ABCC4: variants seen among roughly 807,000 people sequenced by gnomAD.
ABCC4 encodes the protein ATP-binding cassette sub-family C member 4.
ABCC4 carries 102 observed loss-of-function variants against 168.5 expected under a neutral mutation model. The observed-to-expected ratio is 0.61, with a 90% CI of 0.52 to 0.71. The LOEUF is 0.71. ABCC4 is among the 30% of genes least tolerant of loss of function. The probability of loss-of-function intolerance (pLI) is 0.00; values close to 1 mark genes in which losing one functional copy is unlikely to be tolerated. For synonymous variants in ABCC4, 617 were observed against 590.7 expected (o/e 1.04, Z -0.65); for missense variants, 1,402 against 1,605.8 (o/e 0.87, Z 2.17).
At chr13:95,250,179 T>C (rs1157961071) in intron 1 of ABCC4, among the ~76,000 whole-genome samples, 1 of 152,210 alleles carries the variant, frequency 6.6e-6, no homozygotes, top group Non-Finnish European at 1.5e-5. Context: ...GGCTCCTTAA[T>C]ACCAATGTGT....
At chr13:95,038,652 G>C (rs34820355) in intron 29 of ABCC4, among the ~76,000 whole-genome samples, 14,711 of 152,224 alleles carry the variant, frequency 0.097, 947 homozygotes, top group Admixed American at 0.17. Flanking sequence ...CAAGGGCAGG[G>C]TTATGTGCTT....
At chr13:95,247,918 G>GCACACA (rs34133084) in intron 1 of ABCC4, among the ~76,000 whole-genome samples, 165 bp from the exon 2 acceptor site, 13 of 142,648 alleles carry the variant, frequency 9.1e-5, no homozygotes, top group East Asian at 4.0e-4. Flanking sequence ...GTTAACATGT[G>GCACACA]CACACACACA....
chr13:95,265,394 A>C (rs769145505), intron 1 of ABCC4, among the ~76,000 whole-genome samples: 4 of 151,804 alleles, frequency 2.6e-5, no homozygotes, highest in Non-Finnish European at 4.4e-5. Context: ...AATGATTAAA[A>C]CTCTAGAGTA....
intron 20 of ABCC4, among the ~76,000 whole-genome samples, chr13:95,093,067 A>G (rs2034486181): frequency 6.6e-6 from 1 of 152,194 alleles, no homozygotes; most frequent in South Asian, 2.1e-4. Flanking sequence ...ACCAACAAAA[A>G]AAAGTCCAAG....
chr13:95,194,957 C>T lies in ABCC4; in HGVS notation c.1162-20G>A, dbSNP rs2038371195. Reference sequence around the variant, plus strand: ...AAAGGTCTAAAGAAAATGGGAAAAACACAGATTGTTTAAATTACAGAAACA... The same window carrying T: ...AAAGGTCTAAAGAAAATGGGAAAAATACAGATTGTTTAAATTACAGAAACA... On this transcript the variant is annotated intron_variant, in intron 8 of 30. Coordinates refer to ENST00000645237, the MANE Select transcript of ABCC4 (RefSeq NM_005845.5). The T allele has an allele frequency of 1.3e-6, 2 of 1,596,986 alleles. No individual in the cohort carries two copies. The highest frequency in any genetic ancestry group is 1.1e-5 in the South Asian group (1 of 88,840).
intron 21 of ABCC4, among the ~76,000 whole-genome samples, chr13:95,081,460 G>C (rs1594064876): frequency 6.6e-6 from 1 of 152,242 alleles, no homozygotes; most frequent in East Asian, 1.9e-4. Flanking sequence ...CACAACACTG[G>C]CTAGGGCCAG....
chr13:95,112,107 CTTTGGGAGGCCGAGGTGGGTGGA>C (rs2035223511), intron 20 of ABCC4, among the ~76,000 whole-genome samples: 1 of 152,156 alleles, frequency 6.6e-6, no homozygotes, highest in Non-Finnish European at 1.5e-5. Context: ...AATCCCACCA[CTTTGGGAGGCCGAGGTGGGTGGA>C]TCACCTGAGG....
In ABCC4 at chr13:95,256,092, G is replaced by A. The variant is rs188250665; in HGVS notation, c.75-8339C>T. Among the ~76,000 whole-genome samples the A allele has an allele frequency of 4.4e-4, 66 of 148,792 alleles. 1 individual carries two copies. The highest frequency in any genetic ancestry group is 1.7e-3 in the African/African-American group (65 of 38,248). On this transcript the variant is annotated intron_variant, in intron 1 of 30. Coordinates refer to ENST00000645237, the MANE Select transcript of ABCC4 (RefSeq NM_005845.5). ...AACAGAATAAAATGAAGAAATGTGA[G>A]TAAGATTTTTTTTTAAGAGACAGGT...
intron 20 of ABCC4, among the ~76,000 whole-genome samples, chr13:95,111,004 A>G (rs956286656): frequency 1.3e-5 from 2 of 149,362 alleles, no homozygotes; most frequent in Non-Finnish European, 3.0e-5. Context: ...AAAAAAAACC[A>G]CAGAAAAAAA....
intron 3 of ABCC4, 58 bp downstream of exon 3, chr13:95,246,917 C>T (rs2040120123): frequency 3.2e-6 from 5 of 1,571,652 alleles, no homozygotes; most frequent in Non-Finnish European, 2.6e-6. Flanking sequence ...CAGTCAATGG[C>T]GAGCACATTT....
chr13:95,170,557 G>A lies in ABCC4; in HGVS notation c.1799C>T (p.Ala600Val). Residue 600 changes from alanine to valine, a missense_variant, in exon 14 of 31, where the codon GCA becomes GTA. Coordinates refer to ENST00000645237, the MANE Select transcript of ABCC4 (RefSeq NM_005845.5). ...ATCTTTCAATATCAGAATCTGACTT[G>A]CAGCTTTGAGGTACTGCAACTGATG... ...VTHQLQYLKA[A>V]SQILILKDGK... The A allele has an allele frequency of 6.2e-7, 1 of 1,611,400 alleles. No individual in the cohort carries two copies. Among genetic ancestry groups the A allele is most frequent in the Non-Finnish European group, 8.5e-7 (1 of 1,179,252 alleles).
At chr13:95,217,563 C>T (rs1401783086) in intron 4 of ABCC4, among the ~76,000 whole-genome samples, 1 of 152,006 alleles carries the variant, frequency 6.6e-6, no homozygotes, top group African/African-American at 2.4e-5. Context: ...GAAACCCCGT[C>T]TCTACTAAAA....
At chr13:95,256,353 C>A (rs2040391348) in intron 1 of ABCC4, among the ~76,000 whole-genome samples, 1 of 152,196 alleles carries the variant, frequency 6.6e-6, no homozygotes, top group Non-Finnish European at 1.5e-5. Context: ...GCCAGAGATG[C>A]CATACTATAT....
chr13:95,254,807 C>CT (rs60115298), intron 1 of ABCC4, among the ~76,000 whole-genome samples: 140,869 of 152,124 alleles, frequency 0.93, 65,430 homozygotes, highest in East Asian at 1. Flanking sequence ...TTATATTTCA[C>CT]TTTTTTGAAA....
chr13:95,085,015 G>A (rs184042374), intron 20 of ABCC4, among the ~76,000 whole-genome samples: 79 of 152,318 alleles, frequency 5.2e-4, no homozygotes, highest in African/African-American at 1.8e-3. Flanking sequence ...AAACCACAAC[G>A]CTTGCTTCTT....
chr13:95,117,686 ATTAT>A (rs2035426321), intron 19 of ABCC4, among the ~76,000 whole-genome samples: 1 of 152,132 alleles, frequency 6.6e-6, no homozygotes, highest in South Asian at 2.1e-4. Context: ...TAAAATATGA[ATTAT>A]TTCTTAAGTG....
At chr13:95,074,103 A>T (rs530496489) in intron 23 of ABCC4, 111 bp downstream of exon 23, 1 of 817,582 alleles carries the variant, frequency 1.2e-6, no homozygotes, top group East Asian at 2.7e-5. Context: ...AATACACTTC[A>T]TTAGGACCAA....
At chr13:95,273,103 A>AT (rs1350110251) in intron 1 of ABCC4, among the ~76,000 whole-genome samples, 16 of 152,014 alleles carry the variant, frequency 1.1e-4, no homozygotes, top group African/African-American at 3.9e-4. Flanking sequence ...ATGGCAATTG[A>AT]TTTTTTTTAT....
rs149469375 is a variant in ABCC4, at chr13:95,088,361, C to A, written c.2536-5071G>T. On this transcript the variant is annotated intron_variant, in intron 20 of 30. Transcript: ENST00000645237. Reference sequence around the variant, plus strand: ...ACTGATATAACAAGCACATAAAAATCGACAGAGAAAATTTGAAAACATGAT... The same window carrying A: ...ACTGATATAACAAGCACATAAAAATAGACAGAGAAAATTTGAAAACATGAT... Among the ~76,000 whole-genome samples, 105 of 152,202 alleles carry A rather than the reference C, an allele frequency of 6.9e-4. 1 individual carries two copies. In the East Asian group the frequency reaches 0.02, roughly 29 times the overall value.
Sources: gnomAD v4.1 joint callset for allele counts (sites outside exome capture counted in the v4.1 genomes callset) on GRCh38, gnomAD v4.1.1 for gene constraint, MANE v1.5 for transcripts, NCBI Gene and HGNC (gene_info 2026-07-23, HGNC 2026-07-21) for gene names.